The following KCNG3 variants were observed in gnomAD, a reference collection of about 807,000 sequenced individuals.
KCNG3 encodes voltage-gated potassium channel regulatory subunit KCNG3.
A neutral mutation model predicts 29.0 loss-of-function variants in KCNG3; 15 were observed. That is an observed-to-expected ratio of 0.52 (90% CI 0.35 to 0.80). KCNG3 has a LOEUF of 0.80. Among genes scored for constraint, KCNG3 ranks in the 30% least tolerant of loss-of-function variants. The pLI is 0.01. For synonymous variants in KCNG3, 322 were observed against 248.9 expected, an observed-to-expected ratio of 1.29 and a Z score of -2.76; for missense variants, 512 against 605.7, an observed-to-expected ratio of 0.85 and a Z score of 1.62.
chr2:42,449,895 C>T (rs1442069081), intron 1 of KCNG3, among the ~76,000 whole-genome samples: 1 of 152,100 alleles, frequency 6.6e-6, no homozygotes, highest in Non-Finnish European at 1.5e-5. Context: ...GTAAGATGTA[C>T]CAGTTCTCCA....
intron 1 of KCNG3, chr2:42,463,686 G>C (rs1673073879): frequency 5.5e-6 from 1 of 181,344 alleles, no homozygotes; most frequent in Non-Finnish European, 1.1e-5. Context: ...CCAGCATTAG[G>C]TGACAAGCGA....
the KCNG3 span, among the ~76,000 whole-genome samples, chr2:42,410,798 T>C: frequency 6.6e-6 from 1 of 152,178 alleles, no homozygotes; most frequent in Non-Finnish European, 1.5e-5. Flanking sequence ...CATTTGTCTT[T>C]TGACTTTGCT....
the KCNG3 span, among the ~76,000 whole-genome samples, chr2:42,428,788 G>A: frequency 6.6e-6 from 1 of 152,186 alleles, no homozygotes; most frequent in African/African-American, 2.4e-5. Context: ...GATGTCAGGT[G>A]TCACCTGGTT....
chr2:42,395,468 A>T, the KCNG3 span, among the ~76,000 whole-genome samples: 22 of 152,136 alleles, frequency 1.4e-4, no homozygotes, highest in Non-Finnish European at 5.9e-5. Context: ...TTGGGACTAC[A>T]GGTGCGCAGG....
chr2:42,486,933 T>G (rs1411232075), intron 1 of KCNG3, among the ~76,000 whole-genome samples: 1 of 151,976 alleles, frequency 6.6e-6, no homozygotes, highest in Non-Finnish European at 1.5e-5. Flanking sequence ...CAGAGGCAGG[T>G]GGATCACAAG....
At chr2:42,395,778 G>A in the KCNG3 span, among the ~76,000 whole-genome samples, 3 of 146,326 alleles carry the variant, frequency 2.1e-5, no homozygotes, top group Non-Finnish European at 3.0e-5. Context: ...ACACAGCAAG[G>A]CCCCATCTTT....
chr2:42,405,798 G>A, the KCNG3 span, among the ~76,000 whole-genome samples: 1 of 151,982 alleles, frequency 6.6e-6, no homozygotes, highest in Non-Finnish European at 1.5e-5. Flanking sequence ...AGTAGTGATG[G>A]CGTTTCACCA....
the KCNG3 span, among the ~76,000 whole-genome samples, chr2:42,406,155 T>C: frequency 2.6e-5 from 4 of 152,202 alleles, no homozygotes; most frequent in African/African-American, 7.2e-5. Context: ...GCTAGTGTAT[T>C]TTACAGGGTT....
chr2:42,452,242 TA>T lies in KCNG3; in HGVS notation c.666-7664del, dbSNP rs1391717824. Among the ~76,000 whole-genome samples the T allele has an allele frequency of 9.5e-3, 612 of 64,116 alleles. 7 individuals are homozygous for T. The highest frequency in any genetic ancestry group is 0.038 in the African/African-American group (531 of 13,936). The allele number at this position is 64,116 out of a possible 152,430, so 42.1% of individuals were successfully genotyped here. ...GTAAATATATATATATATATATATA[TA>T]TTTTTTTTTTTTTTTTAAAGGAAAC... is the stretch of plus-strand genomic sequence containing the variant. On this transcript the variant is annotated intron_variant, in intron 1 of 1. Coordinates refer to ENST00000306078, the MANE Select transcript of KCNG3 (RefSeq NM_133329.6).
At chr2:42,455,298 G>A (rs1672852335) in intron 1 of KCNG3, among the ~76,000 whole-genome samples, 2 of 152,232 alleles carry the variant, frequency 1.3e-5, no homozygotes, top group South Asian at 2.1e-4. Context: ...TACCCGTGGG[G>A]TCAATGGAAA....
the KCNG3 span, among the ~76,000 whole-genome samples, chr2:42,391,595 CTTTTTTTTT>C: frequency 2.3e-5 from 2 of 88,102 alleles, no homozygotes; most frequent in South Asian, 5.1e-4. Context: ...TTTTATATCT[CTTTTTTTTT>C]TTTTTTTTTT....
chr2:42,412,711 T>C, the KCNG3 span, among the ~76,000 whole-genome samples: 3 of 152,178 alleles, frequency 2.0e-5, no homozygotes, highest in African/African-American at 7.2e-5. Flanking sequence ...TTATACTATA[T>C]TGTTACACCA....
intron 1 of KCNG3, among the ~76,000 whole-genome samples, chr2:42,456,615 T>C (rs1672878971): frequency 6.6e-6 from 1 of 152,136 alleles, no homozygotes; most frequent in Admixed American, 6.6e-5. Flanking sequence ...AAGCCCAACT[T>C]AAAAACATTT....
At chr2:42,458,712 AAGG>A (rs920987672) in intron 1 of KCNG3, among the ~76,000 whole-genome samples, 4 of 152,086 alleles carry the variant, frequency 2.6e-5, no homozygotes, top group African/African-American at 7.2e-5. Context: ...AGTGTCTTGC[AAGG>A]AGTTCTGTCC....
intron 1 of KCNG3, among the ~76,000 whole-genome samples, chr2:42,472,514 T>C (rs1267203810): frequency 3.9e-5 from 6 of 152,006 alleles, no homozygotes; most frequent in Non-Finnish European, 1.5e-5. Context: ...TTTTTTTTTT[T>C]TTTGAGACAA....
the KCNG3 span, among the ~76,000 whole-genome samples, chr2:42,398,628 C>G: frequency 6.6e-6 from 1 of 152,126 alleles, no homozygotes; most frequent in Non-Finnish European, 1.5e-5. Context: ...AAGGTTCATT[C>G]CTTTTACTCT....
intron 1 of KCNG3, among the ~76,000 whole-genome samples, chr2:42,462,546 G>C (rs1673045646): frequency 6.6e-6 from 1 of 152,162 alleles, no homozygotes; most frequent in Non-Finnish European, 1.5e-5. Context: ...GCCGGGCGTG[G>C]TGGCACGTGC....
intron 1 of KCNG3, among the ~76,000 whole-genome samples, chr2:42,451,663 T>C (rs1043368180): frequency 2.6e-5 from 4 of 151,238 alleles, no homozygotes; most frequent in Non-Finnish European, 4.4e-5. Flanking sequence ...GAGGTGGAGG[T>C]TGTAGTGAGC....
chr2:42,428,620 T>A, the KCNG3 span, among the ~76,000 whole-genome samples: 1 of 152,048 alleles, frequency 6.6e-6, no homozygotes, highest in African/African-American at 2.4e-5. Context: ...GGAAGTTTGG[T>A]AGGAATTTCT....
Sources: allele counts gnomAD v4.1 joint callset (sites outside exome capture counted in the v4.1 genomes callset), GRCh38; gene constraint gnomAD v4.1.1; transcripts MANE v1.5; gene names NCBI Gene and HGNC (gene_info 2026-07-23, HGNC 2026-07-21).